NFIA: variants seen among roughly 807,000 people sequenced by gnomAD.
The protein encoded by NFIA is nuclear factor 1 A-type.
In NFIA, 8 loss-of-function variants were observed where a neutral mutation model predicts 62.8. That is an observed-to-expected ratio of 0.13 (90% CI 0.07 to 0.23). The LOEUF is 0.23. NFIA is among the 10% of genes least tolerant of loss of function. NFIA has a pLI of 1.00. For missense variants in NFIA, 410 were observed against 642.1 expected, an observed-to-expected ratio of 0.64 and a Z score of 3.91; for synonymous variants, 235 against 238.1, an observed-to-expected ratio of 0.99 and a Z score of 0.12.
At position 61,106,105 on chromosome 1, in the gene NFIA, A is replaced by G. The variant is rs1646594040; in HGVS notation, c.559+17425A>G. 2.1e-5 allele frequency among the ~76,000 whole-genome samples: 3 copies of G among 141,280 alleles called. No homozygotes were observed. The South Asian group carries it at 7.2e-4, about 34-fold the overall frequency. 92.7% of individuals were successfully genotyped at this position (141,280 alleles called of 152,430 possible). On this transcript the variant is annotated intron_variant, in intron 2 of 10. Coordinates refer to ENST00000403491, the MANE Select transcript of NFIA (RefSeq NM_001134673.4). ...TCCTCTCTCTCTCTCTCATGCATCTATCTATCTATCTATCTATCTATCTAT... is the reference window on the plus strand; with the variant it reads ...TCCTCTCTCTCTCTCTCATGCATCTGTCTATCTATCTATCTATCTATCTAT...
At chr1:61,311,517 T>C (rs1403305120) in intron 3 of NFIA, among the ~76,000 whole-genome samples, 4 of 152,200 alleles carry the variant, frequency 2.6e-5, no homozygotes, top group African/African-American at 9.7e-5. Flanking sequence ...TCACGTGCAT[T>C]GTCCTATGTG....
At chr1:61,280,625 C>T (rs1318036380) in intron 3 of NFIA, among the ~76,000 whole-genome samples, 1 of 152,162 alleles carries the variant, frequency 6.6e-6, no homozygotes, top group Non-Finnish European at 1.5e-5. Flanking sequence ...TGTAACTTTA[C>T]ATAAAGTGGA....
intron 2 of NFIA, among the ~76,000 whole-genome samples, chr1:61,206,519 T>A (rs969352025): frequency 1.3e-5 from 2 of 152,208 alleles, no homozygotes; most frequent in African/African-American, 2.4e-5. Flanking sequence ...GCATTTTATC[T>A]CTTTTGGATG....
intron 2 of NFIA, among the ~76,000 whole-genome samples, chr1:61,268,561 C>T (rs1657316859): frequency 6.6e-6 from 1 of 152,074 alleles, no homozygotes. Flanking sequence ...CTTAACCTTA[C>T]TTTTAGACAG....
intron 6 of NFIA, among the ~76,000 whole-genome samples, chr1:61,377,676 C>A (rs1378396839): frequency 6.6e-6 from 1 of 152,162 alleles, no homozygotes; most frequent in Non-Finnish European, 1.5e-5. Flanking sequence ...ACTTTCTATT[C>A]TTGACTTTGT....
At chr1:61,238,542 C>T (rs1655137909) in intron 2 of NFIA, among the ~76,000 whole-genome samples, 1 of 152,156 alleles carries the variant, frequency 6.6e-6, no homozygotes, top group Non-Finnish European at 1.5e-5. Context: ...GGAGAATTGC[C>T]TTCCACCGTA....
intron 2 of NFIA, among the ~76,000 whole-genome samples, chr1:61,180,650 A>G (rs985613714): frequency 1.6e-4 from 24 of 152,290 alleles, no homozygotes; most frequent in African/African-American, 5.3e-4. Flanking sequence ...CTTTTAAAAA[A>G]GTTATTTAGG....
chr1:61,407,307 G>A lies in NFIA; in HGVS notation c.1420+580G>A, dbSNP rs544679746. On this transcript the variant is annotated intron_variant, in intron 9 of 10. Transcript: ENST00000403491. ...GAGGTTGGGGTAGGGGCTGGGGTAC[G>A]GAGATAGAGGGGAGAGTAGGATGGA... Among the ~76,000 whole-genome samples, 45 of 152,224 alleles carry A rather than the reference G, an allele frequency of 3.0e-4. 1 individual carries two copies. Among genetic ancestry groups the A allele is most frequent in the South Asian group, 1.7e-3 (8 of 4,818 alleles).
intron 7 of NFIA, among the ~76,000 whole-genome samples, chr1:61,397,531 A>G (rs559673275): frequency 6.6e-6 from 1 of 152,170 alleles, no homozygotes; most frequent in African/African-American, 2.4e-5. Flanking sequence ...TGCCTATCCC[A>G]TTCTTGTCTA....
chr1:61,358,490 A>G (rs1039636020), intron 5 of NFIA, among the ~76,000 whole-genome samples: 2 of 144,886 alleles, frequency 1.4e-5, no homozygotes, highest in Admixed American at 1.5e-4. Context: ...AATTCAAGCA[A>G]TTGTCCTGCC....
chr1:61,298,901 C>T (rs187510176), intron 3 of NFIA, among the ~76,000 whole-genome samples: 28 of 152,226 alleles, frequency 1.8e-4, no homozygotes, highest in Admixed American at 1.2e-3. Context: ...AAAGTGACTG[C>T]GTTAACTTGG....
At chr1:61,304,627 C>T (rs1283918253) in intron 3 of NFIA, among the ~76,000 whole-genome samples, 1 of 151,926 alleles carries the variant, frequency 6.6e-6, no homozygotes, top group Non-Finnish European at 1.5e-5. Context: ...AGAGAAACAA[C>T]AGTTGTTCTT....
At chr1:61,444,230 A>T (rs1313292673) in intron 10 of NFIA, among the ~76,000 whole-genome samples, 2 of 152,230 alleles carry the variant, frequency 1.3e-5, no homozygotes, top group African/African-American at 2.4e-5. Context: ...AGCCATTTTC[A>T]ACTATAATGT....
chr1:61,083,613 A>T (rs1236633531), intron 1 of NFIA, among the ~76,000 whole-genome samples: 1 of 151,458 alleles, frequency 6.6e-6, no homozygotes, highest in East Asian at 2.0e-4. Context: ...GCTCTCCCGG[A>T]GTGAAAGTTT....
intron 2 of NFIA, among the ~76,000 whole-genome samples, chr1:61,176,538 C>T (rs1353183843): frequency 2.0e-5 from 3 of 151,996 alleles, no homozygotes; most frequent in Non-Finnish European, 4.4e-5. Flanking sequence ...TGCTTACTTC[C>T]ACTTAAAGCT....
At chr1:61,433,615 A>G (rs1007573586) in intron 10 of NFIA, among the ~76,000 whole-genome samples, 3 of 152,174 alleles carry the variant, frequency 2.0e-5, no homozygotes, top group Admixed American at 2.0e-4. Flanking sequence ...AAAAGTGTTT[A>G]ACACCTAATG....
chr1:61,419,952 A>G (rs1210639286), intron 9 of NFIA, among the ~76,000 whole-genome samples: 1 of 152,212 alleles, frequency 6.6e-6, no homozygotes, highest in African/African-American at 2.4e-5. Context: ...ATTTGCAGAA[A>G]TAATAGGACG....
intron 10 of NFIA, among the ~76,000 whole-genome samples, chr1:61,429,853 G>C (rs1667027011): frequency 6.6e-6 from 1 of 152,188 alleles, no homozygotes; most frequent in Non-Finnish European, 1.5e-5. Context: ...ACGGATGTGA[G>C]GTACCTAGAG....
chr1:61,322,011 A>T (rs942629150), intron 3 of NFIA, among the ~76,000 whole-genome samples: 1 of 152,198 alleles, frequency 6.6e-6, no homozygotes, highest in Non-Finnish European at 1.5e-5. Context: ...TAAGTCTCTG[A>T]TGCTAAAAAT....
Sources: allele counts gnomAD v4.1 joint callset (sites outside exome capture counted in the v4.1 genomes callset), GRCh38; gene constraint gnomAD v4.1.1; transcripts MANE v1.5; gene names NCBI Gene and HGNC (gene_info 2026-07-23, HGNC 2026-07-21).